Variants in C1orf167 observed in about 807,000 individuals in gnomAD.
C1orf167 encodes the protein uncharacterized protein C1orf167.
C1orf167 carries 153 observed loss-of-function variants against 176.5 expected under a neutral mutation model. The ratio of observed to expected loss-of-function variants is 0.87; its 90% CI spans 0.76 to 0.99. The LOEUF (loss-of-function observed/expected upper bound fraction) is 0.99, where lower values mean the gene tolerates loss of function less well. C1orf167 is among the 50% of genes least tolerant of loss of function. C1orf167 has a pLI of 0.00. For missense variants in C1orf167, 1,490 were observed against 1,817.7 expected (o/e 0.82, Z 3.28); for synonymous variants, 594 against 752.7 (o/e 0.79, Z 3.45).
Position 11,766,530 on chromosome 1 carries a change from G to A in C1orf167, c.744G>A (p.Ala248=), listed in dbSNP as rs962210907. 1.9e-5 allele frequency: 24 copies of A among 1,254,196 alleles called. No individual in the cohort carries two copies. Among genetic ancestry groups the A allele is most frequent in the South Asian group, 2.7e-5 (2 of 75,056 alleles). The allele number at this position is 1,254,196 out of a possible 1,614,324, so 77.7% of individuals were successfully genotyped here. A position where few individuals can be genotyped will look rare whatever the true frequency, so the allele number is the denominator to read the frequency against. Residue 248 remains alanine, a synonymous_variant, in exon 3 of 21, where the codon GCG becomes GCA. Transcript: ENST00000688073. This position sits in a 1 kb window ranked among gnomAD's most constrained non-coding sequence, Gnocchi z 4.5. The part of the protein sequence containing the change: ...HQLLASVHCL[A]QEAARLRCQA... ...TGCTGGCTTCTGTACATTGCCTGGC[G>A]CAGGAGGCAGCCCGACTCAGGTGCC... is the stretch of plus-strand genomic sequence containing the variant.
chr1:11,773,571 G>A (rs892117622), intron 8 of C1orf167, among the ~76,000 whole-genome samples: 13 of 152,018 alleles, frequency 8.6e-5, no homozygotes, highest in African/African-American at 2.4e-4. Context: ...TGTCGAGTAT[G>A]ATGGTGAACA....
chr1:11,788,383 G>T lies in C1orf167; in HGVS notation c.4078+5G>T. 1 of 1,289,486 alleles carries T rather than the reference G, an allele frequency of 7.8e-7. No homozygotes were observed. Among genetic ancestry groups the T allele is most frequent in the Admixed American group, 2.3e-5 (1 of 43,178 alleles). The allele number at this position is 1,289,486 out of a possible 1,614,324, so 79.9% of individuals were successfully genotyped here. ...GAGCAGCTGGTGCGGACCCTGGTGA[G>T]TGGGTGCACCCCTCTCCACACTGAC... is the stretch of plus-strand genomic sequence containing the variant. On this transcript the variant is annotated splice_donor_5th_base_variant and intron_variant, in intron 19 of 20. Transcript: ENST00000688073.
intron 6 of C1orf167, 21 bp from the exon 7 acceptor site, chr1:11,771,503 T>C (rs1321631035): frequency 7.8e-7 from 1 of 1,284,544 alleles, no homozygotes; most frequent in Non-Finnish European, 1.0e-6. Context: ...TCAGCTTCTC[T>C]CTGGGCAACT....
rs138254822 is a variant in C1orf167, at chr1:11,770,741, C to T, written c.1698-783C>T. 5.3e-3 allele frequency among the ~76,000 whole-genome samples: 798 copies of T among 151,050 alleles called. 5 individuals carry two copies. Among genetic ancestry groups the T allele is most frequent in the African/African-American group, 0.018 (749 of 41,106 alleles). Reference sequence around the variant, plus strand: ...CCTACCACAGTGCTGGGATTATAGACGTGAGCCACTGCGCCCGGCCTCTGG... The same window carrying T: ...CCTACCACAGTGCTGGGATTATAGATGTGAGCCACTGCGCCCGGCCTCTGG... On this transcript the variant is annotated intron_variant, in intron 6 of 20. Transcript: ENST00000688073.
intron 10 of C1orf167, chr1:11,778,288 T>G: frequency 1.1e-5 from 1 of 88,082 alleles, no homozygotes; most frequent in Non-Finnish European, 2.1e-5. Context: ...CCAGACCCTG[T>G]CTCAAAAAAA....
intron 20 of C1orf167, 57 bp downstream of exon 20, chr1:11,788,803 A>G: frequency 7.8e-7 from 1 of 1,288,052 alleles, no homozygotes; most frequent in Non-Finnish European, 1.0e-6. Context: ...CCAGCCTTCC[A>G]GAAGTCTGTG....
rs909828139 is a variant in C1orf167 at position 11,789,585 on chromosome 1, A to G, written c.*139A>G. The G allele has an allele frequency of 1.3e-6, 1 of 794,362 alleles. No homozygotes were observed. Among genetic ancestry groups the G allele is most frequent in the African/African-American group, 1.8e-5 (1 of 54,826 alleles). The allele number at this position is 794,362 out of a possible 1,614,324, so 49.2% of individuals were successfully genotyped here. On this transcript the variant is annotated 3_prime_UTR_variant, in exon 21 of 21. Transcript: ENST00000688073. ...ACAATAAAACCCACTCCTCAGTCCT[A>G]GCTGCTGCTTTCAGTCTCTCCTAGC... is the stretch of plus-strand genomic sequence containing the variant.
At chr1:11,780,101 C>A in intron 13 of C1orf167, 91 bp downstream of exon 13, 2 of 1,007,732 alleles carry the variant, frequency 2.0e-6, no homozygotes, top group Non-Finnish European at 2.6e-6. Flanking sequence ...AACAACTTGA[C>A]TGTAACCGCA....
Position 11,765,919 on chromosome 1 carries a change from C to G in C1orf167, c.133C>G (p.Pro45Ala). 1 of 1,234,056 alleles carries G rather than the reference C, an allele frequency of 8.1e-7. No individual in the cohort carries two copies. The allele number at this position is 1,234,056 out of a possible 1,614,324, so 76.4% of individuals were successfully genotyped here. Residue 45 changes from proline (P) to alanine (A), a missense_variant, in exon 3 of 21, where the codon CCC becomes GCC. Transcript: ENST00000688073. Reference sequence around the variant, plus strand: ...GAGTGGTAGACATGACCAGTGGGTGCCCGGGTGCCAGGTGGAGAGGGGAGG... The same window carrying G: ...GAGTGGTAGACATGACCAGTGGGTGGCCGGGTGCCAGGTGGAGAGGGGAGG... ...GLSGRHDQWV[P>A]GCQVERGGPA...
chr1:11,789,475 T>C lies in C1orf167; in HGVS notation c.*29T>C, dbSNP rs1256643744. ...GTTCTCATAGAATAAAAAACAGAAC[T>C]GAACTTAGCCTTCCCAGGGAAGGAA... On this transcript the variant is annotated 3_prime_UTR_variant, in exon 21 of 21. Transcript: ENST00000688073. 1 of 1,297,942 alleles carries C rather than the reference T, an allele frequency of 7.7e-7. No homozygotes were observed. The highest frequency in any genetic ancestry group is 1.0e-6 in the Non-Finnish European group (1 of 985,400). The allele number at this position is 1,297,942 out of a possible 1,614,324, so 80.4% of individuals were successfully genotyped here.
chr1:11,771,327 A>C (rs1385223123), intron 6 of C1orf167, among the ~76,000 whole-genome samples, 197 bp from the exon 7 acceptor site: 1 of 152,046 alleles, frequency 6.6e-6, no homozygotes, highest in Non-Finnish European at 1.5e-5. Context: ...TAAAGAGAAT[A>C]AATCAAGAGC....
In C1orf167 at chr1:11,772,224, A is replaced by G. The variant is rs1397081468; in HGVS notation, c.1953A>G (p.Pro651=). The part of the protein sequence containing the change: ...STAAGVAWVA[P]LSPQHQRAWL... ...CTGCAGGTGTAGCCTGGGTGGCCCCACTGAGCCCCCAGCACCAGAGAGCTT... is the reference window on the plus strand; with the variant it reads ...CTGCAGGTGTAGCCTGGGTGGCCCCGCTGAGCCCCCAGCACCAGAGAGCTT... The change falls in exon 8 of 21, where the codon CCA becomes CCG. Residue 651 remains proline (P), a synonymous_variant. Coordinates refer to ENST00000688073, the MANE Select transcript of C1orf167 (RefSeq NM_001010881.2). The G allele has an allele frequency of 4.6e-6, 6 of 1,303,978 alleles. No individual in the cohort carries two copies. The African/African-American group carries it at 7.6e-5, about 17-fold the overall frequency. The allele number at this position is 1,303,978 out of a possible 1,614,324, so 80.8% of individuals were successfully genotyped here.
At chr1:11,772,306 C>T (rs1299164588) in intron 8 of C1orf167, 47 bp downstream of exon 8, 3 of 1,267,690 alleles carry the variant, frequency 2.4e-6, no homozygotes, top group East Asian at 1.1e-4. Context: ...CACTCTGTCA[C>T]CTAGGCTGAA....
intron 12 of C1orf167, 33 bp downstream of exon 12, chr1:11,779,113 A>G (rs1007464723): frequency 3.3e-6 from 4 of 1,219,586 alleles, no homozygotes; most frequent in South Asian, 1.5e-5. Flanking sequence ...CCGCCACTCT[A>G]TGGACTTACT....
Position 11,788,180 on chromosome 1 carries a change from G to A in C1orf167, c.3880G>A (p.Ala1294Thr), listed in dbSNP as rs906992952. 10 of 1,294,856 alleles carry A rather than the reference G, an allele frequency of 7.7e-6. No homozygotes were observed. The highest frequency in any genetic ancestry group is 1.0e-5 in the Non-Finnish European group (10 of 981,462). The allele number at this position is 1,294,856 out of a possible 1,614,324, so 80.2% of individuals were successfully genotyped here. A position where few individuals can be genotyped will look rare whatever the true frequency, so the allele number is the denominator to read the frequency against. ...ARSCRILEKQAQAHGSALLLA... is the reference protein window; with the variant it reads ...ARSCRILEKQTQAHGSALLLA... Reference sequence around the variant, plus strand: ...TTCCTGCAGGATCCTGGAAAAGCAGGCCCAGGCCCATGGCTCTGCCCTCCT... The same window carrying A: ...TTCCTGCAGGATCCTGGAAAAGCAGACCCAGGCCCATGGCTCTGCCCTCCT... Residue 1294 changes from alanine to threonine, a missense_variant, in exon 19 of 21, where the codon GCC becomes ACC. Transcript: ENST00000688073.
intron 4 of C1orf167, 91 bp from the exon 5 acceptor site, chr1:11,767,986 G>A (rs1254595020): frequency 4.9e-6 from 5 of 1,026,150 alleles, no homozygotes; most frequent in South Asian, 1.6e-5. Flanking sequence ...ACTGATTGCT[G>A]GAAAGGCATC....
chr1:11,776,559 C>A lies in C1orf167; in HGVS notation c.2260C>A (p.Gln754Lys), dbSNP rs1021078337. The A allele has an allele frequency of 2.3e-5, 29 of 1,272,992 alleles. No homozygotes were observed. The Middle Eastern group carries it at 9.1e-4, about 40-fold the overall frequency. The allele number at this position is 1,272,992 out of a possible 1,614,324, so 78.9% of individuals were successfully genotyped here. The change falls in exon 10 of 21, where the codon CAG (glutamine) becomes AAG (lysine). Residue 754 changes from glutamine to lysine, a missense_variant. Gln to Lys is a moderately conservative substitution (Grantham distance 53). Transcript: ENST00000688073. ...GCAGGAGCAAGGCCGGGGCTCCCTG[C>A]AGGATGCCTGCTGGACACTGGCCCT... The part of the protein sequence containing the change: ...GQQEQGRGSL[Q>K]DACWTLALCW...
chr1:11,781,067 G>A (rs3737970), intron 13 of C1orf167, among the ~76,000 whole-genome samples: 82,646 of 143,598 alleles, frequency 0.58, 24,289 homozygotes, highest in East Asian at 0.77. Flanking sequence ...GTGCGATCTT[G>A]GCTCACTGCA....
chr1:11,788,575 G>C, intron 19 of C1orf167, 77 bp from the exon 20 acceptor site: 1 of 1,216,576 alleles, frequency 8.2e-7, no homozygotes, highest in Non-Finnish European at 1.1e-6. Context: ...AGCAGTGTCG[G>C]GGGAGAAAGG....
Sources: gnomAD v4.1 joint callset for allele counts (sites outside exome capture counted in the v4.1 genomes callset) on GRCh38, gnomAD v4.1.1 for gene constraint, Gnocchi (gnomAD v3.1) non-coding constraint, MANE v1.5 for transcripts, NCBI Gene and HGNC (gene_info 2026-07-23, HGNC 2026-07-21) for gene names.